The following OSBPL3 variants were observed in gnomAD, a reference collection of about 807,000 sequenced individuals.
OSBPL3 encodes oxysterol binding protein like 3.
A neutral mutation model predicts 120.1 loss-of-function variants in OSBPL3; 65 were observed. The observed-to-expected ratio is 0.54, with a 90% confidence interval of 0.44 to 0.67. The LOEUF (loss-of-function observed/expected upper bound fraction) is 0.67. Ranked by LOEUF, OSBPL3 falls within the 30% of genes least tolerant of loss-of-function variation. OSBPL3 has a pLI of 0.00. For synonymous variants in OSBPL3, 416 were observed against 402.6 expected, an observed-to-expected ratio of 1.03 and a Z score of -0.40; for missense variants, 1,004 against 1,082.1, an observed-to-expected ratio of 0.93 and a Z score of 1.01.
chr7:24,973,126 T>C (rs1195033586), intron 1 of OSBPL3, among the ~76,000 whole-genome samples: 1 of 152,196 alleles, frequency 6.6e-6, no homozygotes, highest in African/African-American at 2.4e-5. Context: ...TCTGCTCTGC[T>C]TTACATTTAA....
rs192358017 is a variant in OSBPL3 at position 24,961,066 on chromosome 7, T to A, written c.-150+18820A>T. On this transcript the variant is annotated intron_variant, in intron 1 of 22. Transcript: ENST00000313367. ...TTCTTTGTTCATGTAATGATTTTTT[T>A]AAAAAAAATTCTTCTCCCCCTTACA... is the stretch of plus-strand genomic sequence containing the variant. 6.8e-3 allele frequency among the ~76,000 whole-genome samples: 1,035 copies of A among 152,090 alleles called. 33 individuals are homozygous for A. Among genetic ancestry groups the A allele is most frequent in the Admixed American group, 0.047 (713 of 15,282 alleles).
rs1365790020 is a variant in OSBPL3, at chr7:24,855,331, C to T, written c.1028-2697G>A. ...CTTTCCAAATCAATTCCTCTGGCTT[C>T]CAGGTGACCTACAGAAAAACAAGGC... On this transcript the variant is annotated intron_variant, in intron 10 of 22. Coordinates refer to ENST00000313367, the MANE Select transcript of OSBPL3 (RefSeq NM_015550.4). The surrounding 1 kb of genome is among the most constrained non-coding windows in gnomAD (Gnocchi z 4.3). Among the ~76,000 whole-genome samples, 1 of 152,156 alleles carries T rather than the reference C, an allele frequency of 6.6e-6. No individual in the cohort carries two copies. The highest frequency in any genetic ancestry group is 2.4e-5 in the African/African-American group (1 of 41,440).
intron 1 of OSBPL3, among the ~76,000 whole-genome samples, chr7:24,927,127 A>G (rs1255236883): frequency 6.6e-6 from 1 of 152,206 alleles, no homozygotes. Flanking sequence ...TGCTGCTTCC[A>G]TTGTATGTCT....
intron 1 of OSBPL3, among the ~76,000 whole-genome samples, chr7:24,956,466 T>C (rs1057110451): frequency 2.6e-5 from 4 of 152,268 alleles, no homozygotes; most frequent in Non-Finnish European, 4.4e-5. Context: ...TCCATGTATT[T>C]GTTGTTACGA....
At position 24,894,144 on chromosome 7, in the gene OSBPL3, C is replaced by T. The variant is rs1380187987; in HGVS notation, c.-149-1523G>A. Among the ~76,000 whole-genome samples, 1 of 151,564 alleles carries T rather than the reference C, an allele frequency of 6.6e-6. No homozygotes were observed. Among genetic ancestry groups the T allele is most frequent in the Non-Finnish European group, 1.5e-5 (1 of 68,032 alleles). On this transcript the variant is annotated intron_variant, in intron 1 of 22. Coordinates refer to ENST00000313367, the MANE Select transcript of OSBPL3 (RefSeq NM_015550.4). The surrounding 1 kb of genome is among the most constrained non-coding windows in gnomAD (Gnocchi z 4.1). ...ACTCTTTCCTACACCTTCATTAACA[C>T]TTAGTTCTTCAAAAATAAAAAAGAG...
chr7:24,872,114 A>G lies in OSBPL3; in HGVS notation c.97-45T>C, dbSNP rs745720490. 1 of 1,307,578 alleles carries G rather than the reference A, an allele frequency of 7.6e-7. No homozygotes were observed. Among genetic ancestry groups the G allele is most frequent in the East Asian group, 2.3e-5 (1 of 43,406 alleles). 81.0% of individuals were successfully genotyped at this position (1,307,578 alleles called of 1,614,324 possible). On this transcript the variant is annotated intron_variant, in intron 2 of 22. Transcript: ENST00000313367. This position sits in a 1 kb window ranked among gnomAD's most constrained non-coding sequence, Gnocchi z 4.1. ...CATGTTAAATGTCTATCTTTTTGAA[A>G]AATAATAATGGTAAAAAGCACTGCA...
In OSBPL3 at chr7:24,940,842, C is replaced by G. The variant is rs1469971621; in HGVS notation, c.-150+39044G>C. ...TCTTTTTTTTTTTGTGTGTGTGTGACGGAGTCTCGCTCTGTCGCCCAGGCT... is the reference window on the plus strand; with the variant it reads ...TCTTTTTTTTTTTGTGTGTGTGTGAGGGAGTCTCGCTCTGTCGCCCAGGCT... On this transcript the variant is annotated intron_variant, in intron 1 of 22. Coordinates refer to ENST00000313367, the MANE Select transcript of OSBPL3 (RefSeq NM_015550.4). The surrounding 1 kb of genome is among the most constrained non-coding windows in gnomAD (Gnocchi z 4.4). Among the ~76,000 whole-genome samples the G allele has an allele frequency of 6.9e-6, 1 of 144,126 alleles. No homozygotes were observed. The highest frequency in any genetic ancestry group is 1.5e-5 in the Non-Finnish European group (1 of 66,464). 94.6% of individuals were successfully genotyped at this position (144,126 alleles called of 152,430 possible).
rs1321691593 is a variant in OSBPL3, at chr7:24,870,850, A to G, written c.268-5T>C. The G allele has an allele frequency of 6.4e-7, 1 of 1,572,414 alleles. No individual in the cohort carries two copies. Among genetic ancestry groups the G allele is most frequent in the Non-Finnish European group, 8.8e-7 (1 of 1,141,960 alleles). ...ATGCAGCTTCTCTCTCTCTATCTGC[A>G]GAGGCACCAAGAGGGTCACTTGGGG... On this transcript the variant is annotated splice_region_variant and splice_polypyrimidine_tract_variant and intron_variant, in intron 4 of 22. Coordinates refer to ENST00000313367, the MANE Select transcript of OSBPL3 (RefSeq NM_015550.4).
rs1484188458 is a variant in OSBPL3, at chr7:24,818,303, G to C, written c.1949-1615C>G. Among the ~76,000 whole-genome samples, 1 of 152,080 alleles carries C rather than the reference G, an allele frequency of 6.6e-6. No individual in the cohort carries two copies. Among genetic ancestry groups the C allele is most frequent in the African/African-American group, 2.4e-5 (1 of 41,386 alleles). The stretch of plus-strand genomic sequence containing the variant: ...ATTGAATTGTACACTTTACACGGGT[G>C]AATGATATGGTATATAAGTTATATG... On this transcript the variant is annotated intron_variant, in intron 17 of 22. Coordinates refer to ENST00000313367, the MANE Select transcript of OSBPL3 (RefSeq NM_015550.4). The surrounding 1 kb of genome is among the most constrained non-coding windows in gnomAD (Gnocchi z 4.0).
chr7:24,807,113 C>A (rs1190493884), intron 20 of OSBPL3, among the ~76,000 whole-genome samples: 1 of 152,136 alleles, frequency 6.6e-6, no homozygotes, highest in Admixed American at 6.5e-5. Context: ...AGGGATGTGG[C>A]CTCCTATGTG....
chr7:24,866,147 C>A lies in OSBPL3; in HGVS notation c.472G>T (p.Glu158Ter). The A allele has an allele frequency of 6.2e-7, 1 of 1,613,220 alleles. No homozygotes were observed. Among genetic ancestry groups the A allele is most frequent in the South Asian group, 1.1e-5 (1 of 91,058 alleles). The part of the protein sequence containing the change: ...RQNEIAMFPH[E>*]VNHFFSGSTI... ...GACCCTGAGAAAAAGTGGTTAACTT[C>A]ATGTGGAAACATGGCAATTTCATTC... is the stretch of plus-strand genomic sequence containing the variant. The change falls in exon 6 of 23, where the codon GAA becomes TAA. Residue 158 changes from glutamate (E) to a stop codon, truncating the protein, a stop_gained. Transcript: ENST00000313367. LOFTEE classifies it high-confidence loss of function.
chr7:24,941,729 A>G (rs1306717498), intron 1 of OSBPL3, among the ~76,000 whole-genome samples: 1 of 152,242 alleles, frequency 6.6e-6, no homozygotes, highest in East Asian at 1.9e-4. Context: ...CTGATTTAGC[A>G]TAAAATAACA....
rs1359590772 is a variant in OSBPL3 at position 24,947,668 on chromosome 7, A to G, written c.-150+32218T>C. On this transcript the variant is annotated intron_variant, in intron 1 of 22. Coordinates refer to ENST00000313367, the MANE Select transcript of OSBPL3 (RefSeq NM_015550.4). The surrounding 1 kb of genome is among the most constrained non-coding windows in gnomAD (Gnocchi z 4.4). ...GAATCACTATTTCTGAGTAGATAGC[A>G]CAGTATTTATTGAAATTTGAACATT... 6.6e-6 allele frequency among the ~76,000 whole-genome samples: 1 copy of G among 152,180 alleles called. No homozygotes were observed. The highest frequency in any genetic ancestry group is 6.5e-5 in the Admixed American group (1 of 15,280).
rs62449849 is a variant in OSBPL3, at chr7:24,838,389, G to A, written c.1495+2301C>T. Among the ~76,000 whole-genome samples the A allele has an allele frequency of 6.1e-3, 919 of 151,422 alleles. 14 individuals carry two copies. The highest frequency in any genetic ancestry group is 0.02 in the African/African-American group (798 of 40,772). On this transcript the variant is annotated intron_variant, in intron 14 of 22. Coordinates refer to ENST00000313367, the MANE Select transcript of OSBPL3 (RefSeq NM_015550.4). ...TGCGTGCCTGTAATCCTAGCTACTCGGGAGGCTGAGGCATGAGAATTGCTT... is the reference window on the plus strand; with the variant it reads ...TGCGTGCCTGTAATCCTAGCTACTCAGGAGGCTGAGGCATGAGAATTGCTT...
At chr7:24,978,735 C>T (rs967099869) in intron 1 of OSBPL3, among the ~76,000 whole-genome samples, 2 of 152,186 alleles carry the variant, frequency 1.3e-5, no homozygotes, top group African/African-American at 4.8e-5. Context: ...TCTAAATGCC[C>T]TCATCCCAAT....
Position 24,806,961 on chromosome 7 carries a change from T to A in OSBPL3, c.2318-59A>T. On this transcript the variant is annotated intron_variant, in intron 20 of 22. Coordinates refer to ENST00000313367, the MANE Select transcript of OSBPL3 (RefSeq NM_015550.4). The surrounding 1 kb of genome is among the most constrained non-coding windows in gnomAD (Gnocchi z 5.2). ...GCATGTTACTTATGTTACATTTTAATTCCTTCACCTTTTTCGTCTCAGCCT... is the reference window on the plus strand; with the variant it reads ...GCATGTTACTTATGTTACATTTTAAATCCTTCACCTTTTTCGTCTCAGCCT... The A allele has an allele frequency of 6.8e-7, 1 of 1,468,296 alleles. No homozygotes were observed. Among genetic ancestry groups the A allele is most frequent in the Non-Finnish European group, 9.2e-7 (1 of 1,087,078 alleles). 91.0% of individuals were successfully genotyped at this position (1,468,296 alleles called of 1,614,324 possible). A position where few individuals can be genotyped will look rare whatever the true frequency, so the allele number is the denominator to read the frequency against.
chr7:24,917,094 G>T (rs1809672770), intron 1 of OSBPL3, among the ~76,000 whole-genome samples: 1 of 151,972 alleles, frequency 6.6e-6, no homozygotes, highest in Non-Finnish European at 1.5e-5. Flanking sequence ...AGAACTCCAA[G>T]AATGCATTCC....
At chr7:24,919,853 AAT>A (rs1810171810) in intron 1 of OSBPL3, among the ~76,000 whole-genome samples, 1 of 151,818 alleles carries the variant, frequency 6.6e-6, no homozygotes, top group African/African-American at 2.4e-5. Context: ...ATATAACTAC[AAT>A]AGACATTTCT....
Position 24,849,273 on chromosome 7 carries a change from G to A in OSBPL3, c.1159-97C>T. ...CAGGAGCGATCTCTAAGAGCTTGAT[G>A]AAACTCTTAGTGACGTGGTCTGACA... On this transcript the variant is annotated intron_variant, in intron 11 of 22. Transcript: ENST00000313367. This position sits in a 1 kb window ranked among gnomAD's most constrained non-coding sequence, Gnocchi z 5.4. 2 of 847,524 alleles carry A rather than the reference G, an allele frequency of 2.4e-6. No individual in the cohort carries two copies. The highest frequency in any genetic ancestry group is 3.8e-6 in the Non-Finnish European group (2 of 526,388). 52.5% of individuals were successfully genotyped at this position (847,524 alleles called of 1,614,324 possible). A position where few individuals can be genotyped will look rare whatever the true frequency, so the allele number is the denominator to read the frequency against.
Sources: allele counts gnomAD v4.1 joint callset (sites outside exome capture counted in the v4.1 genomes callset), GRCh38; gene constraint gnomAD v4.1.1; non-coding constraint Gnocchi (gnomAD v3.1); transcripts MANE v1.5; gene names NCBI Gene and HGNC (gene_info 2026-07-23, HGNC 2026-07-21).